CD247: variants seen among roughly 807,000 people sequenced by gnomAD.
CD247 encodes CD247 molecule, also known as T-cell surface glycoprotein CD3 zeta chain.
Under a neutral mutation model 30.0 loss-of-function variants are expected in CD247, and 13 were observed. The observed-to-expected ratio is 0.43, with a 90% CI of 0.28 to 0.69. The LOEUF is 0.69. CD247 is among the 30% of genes least tolerant of loss of function. The pLI, the probability that CD247 is intolerant of heterozygous loss-of-function variation, is 0.16. For missense variants in CD247, 193 were observed against 212.6 expected (o/e 0.91, Z 0.57); for synonymous variants, 72 against 80.0 (o/e 0.90, Z 0.53).
chr1:167,436,945 C>A (rs1428388491), intron 4 of CD247, among the ~76,000 whole-genome samples: 1 of 152,152 alleles, frequency 6.6e-6, no homozygotes. Context: ...AAAAATAGAA[C>A]TACCATATGA....
rs80329556 is a variant in CD247 at position 167,499,490 on chromosome 1, T to C, written c.58+18918A>G. Reference sequence around the variant, plus strand: ...GGTGTCCACATCCTGTTAAGCTAGATGGTGGGCATTGTGTATTTTTTTCCA... The same window carrying C: ...GGTGTCCACATCCTGTTAAGCTAGACGGTGGGCATTGTGTATTTTTTTCCA... On this transcript the variant is annotated intron_variant, in intron 1 of 7. Transcript: ENST00000362089. Among the ~76,000 whole-genome samples, 446 of 152,336 alleles carry C rather than the reference T, an allele frequency of 2.9e-3. 1 individual carries two copies. The highest frequency in any genetic ancestry group is 5.0e-3 in the Non-Finnish European group (340 of 68,030).
intron 1 of CD247, among the ~76,000 whole-genome samples, chr1:167,472,915 T>C (rs1653590229): frequency 6.6e-6 from 1 of 152,168 alleles, no homozygotes. Flanking sequence ...CTGTGTTGCC[T>C]GCATGAAAGA....
At chr1:167,434,642 G>A in intron 5 of CD247, 1 of 390,562 alleles carries the variant, frequency 2.6e-6, no homozygotes. Context: ...ACCCAGGACA[G>A]GAGCCCCTCG....
At chr1:167,451,834 A>T (rs943556242) in intron 1 of CD247, among the ~76,000 whole-genome samples, 2 of 152,190 alleles carry the variant, frequency 1.3e-5, no homozygotes, top group Non-Finnish European at 2.9e-5. Flanking sequence ...AGGTCGGGCG[A>T]GGTGGCTCAC....
At chr1:167,468,766 G>A (rs1653378154) in intron 1 of CD247, among the ~76,000 whole-genome samples, 1 of 152,118 alleles carries the variant, frequency 6.6e-6, no homozygotes, top group African/African-American at 2.4e-5. Context: ...TCTTAGCCCT[G>A]CCTTCTGCTA....
chr1:167,477,452 C>T (rs753017336), intron 1 of CD247, among the ~76,000 whole-genome samples: 1 of 152,186 alleles, frequency 6.6e-6, no homozygotes, highest in Non-Finnish European at 1.5e-5. Flanking sequence ...TTCCAGTGCC[C>T]AGAGCTTCCT....
intron 1 of CD247, among the ~76,000 whole-genome samples, chr1:167,460,423 AAG>A (rs1161833361): frequency 3.2e-4 from 49 of 152,210 alleles, no homozygotes; most frequent in African/African-American, 1.1e-3. Flanking sequence ...AATAAAAATA[AAG>A]AAATAAGATT....
chr1:167,438,020 GAGGAAGGAAGGA>G (rs57753052), intron 4 of CD247, among the ~76,000 whole-genome samples: 8 of 150,754 alleles, frequency 5.3e-5, no homozygotes, highest in South Asian at 2.1e-4. Context: ...AATAAAGACA[GAGGAAGGAAGGA>G]AGGAAGGAAG....
chr1:167,511,872 T>G (rs1655402863), intron 1 of CD247, among the ~76,000 whole-genome samples: 1 of 152,084 alleles, frequency 6.6e-6, no homozygotes, highest in South Asian at 2.1e-4. Context: ...CGAGAAGAGA[T>G]AGATCCTGCT....
intron 1 of CD247, among the ~76,000 whole-genome samples, chr1:167,449,760 TA>T (rs1652269400): frequency 1.3e-5 from 2 of 151,766 alleles, no homozygotes; most frequent in South Asian, 4.2e-4. Flanking sequence ...CTCTCTCTAC[TA>T]AAAGTATGAA....
At chr1:167,505,737 G>A (rs547269944) in intron 1 of CD247, among the ~76,000 whole-genome samples, 1 of 152,372 alleles carries the variant, frequency 6.6e-6, no homozygotes, top group South Asian at 2.1e-4. Flanking sequence ...TATCTGGTAG[G>A]GGGAGTGGGG....
chr1:167,489,013 C>T (rs2102074736), intron 1 of CD247, among the ~76,000 whole-genome samples: 1 of 152,260 alleles, frequency 6.6e-6, no homozygotes, highest in African/African-American at 2.4e-5. Context: ...TTAGTCCACA[C>T]CTCGTGGAGA....
At chr1:167,463,556 TG>T (rs1653117091) in intron 1 of CD247, among the ~76,000 whole-genome samples, 1 of 152,228 alleles carries the variant, frequency 6.6e-6, no homozygotes. Context: ...AATCTAGGTT[TG>T]TAACTTGCAT....
intron 1 of CD247, among the ~76,000 whole-genome samples, chr1:167,462,200 G>C (rs1018323168): frequency 1.3e-5 from 2 of 152,156 alleles, no homozygotes; most frequent in African/African-American, 4.8e-5. Context: ...TCCCACTCAG[G>C]GTTTAAGATT....
intron 1 of CD247, among the ~76,000 whole-genome samples, chr1:167,480,917 CTGACA>C (rs1439365650): frequency 6.6e-6 from 1 of 152,196 alleles, no homozygotes; most frequent in African/African-American, 2.4e-5. Flanking sequence ...AACAACAAGG[CTGACA>C]TATAGCACAA....
At position 167,431,627 on chromosome 1, in the gene CD247, T is replaced by C; in HGVS notation, c.*54A>G. ...GGTTGTAAATGCTTCATCCTGTGTCTCATAATCTGGGCGTCTGCAGGTCTG... is the reference window on the plus strand; with the variant it reads ...GGTTGTAAATGCTTCATCCTGTGTCCCATAATCTGGGCGTCTGCAGGTCTG... On this transcript the variant is annotated 3_prime_UTR_variant, in exon 8 of 8. Transcript: ENST00000362089. The C allele has an allele frequency of 7.1e-7, 1 of 1,413,174 alleles. No homozygotes were observed. Among genetic ancestry groups the C allele is most frequent in the Non-Finnish European group, 1.0e-6 (1 of 996,472 alleles). The allele number at this position is 1,413,174 out of a possible 1,614,324, so 87.5% of individuals were successfully genotyped here. A position where few individuals can be genotyped will look rare whatever the true frequency, so the allele number is the denominator to read the frequency against.
At chr1:167,487,695 CTA>C (rs1158199331) in intron 1 of CD247, among the ~76,000 whole-genome samples, 1 of 152,208 alleles carries the variant, frequency 6.6e-6, no homozygotes, top group Admixed American at 6.5e-5. Flanking sequence ...GAGTACCAGG[CTA>C]GCAGTGAGAA....
intron 7 of CD247, 108 bp from the exon 8 acceptor site, chr1:167,431,854 C>G (rs952823612): frequency 7.5e-6 from 7 of 932,600 alleles, no homozygotes; most frequent in Non-Finnish European, 1.1e-5. Context: ...TGTGACCACC[C>G]ACCCAGCCTC....
At chr1:167,443,413 C>T (rs554494902) in intron 1 of CD247, among the ~76,000 whole-genome samples, 27 of 152,306 alleles carry the variant, frequency 1.8e-4, no homozygotes, top group South Asian at 1.2e-3. Context: ...GACCTAGGGA[C>T]GATCTAAAGG....
Sources: allele counts gnomAD v4.1 joint callset (sites outside exome capture counted in the v4.1 genomes callset), GRCh38; gene constraint gnomAD v4.1.1; transcripts MANE v1.5; gene names NCBI Gene and HGNC (gene_info 2026-07-23, HGNC 2026-07-21).